Variants in TFDP2 observed in about 807,000 individuals in gnomAD.
TFDP2 encodes the protein transcription factor Dp-2.
In TFDP2, 17 loss-of-function variants were observed where a neutral mutation model predicts 59.3. The ratio of observed to expected loss-of-function variants is 0.29; its 90% CI spans 0.20 to 0.43. The LOEUF (loss-of-function observed/expected upper bound fraction) is 0.43, where lower values mean the gene tolerates loss of function less well. Among genes scored for constraint, TFDP2 ranks in the 20% least tolerant of loss-of-function variants. TFDP2 has a pLI of 1.00. For missense variants in TFDP2, 391 were observed against 528.8 expected, an observed-to-expected ratio of 0.74 and a Z score of 2.56; for synonymous variants, 180 against 194.7, an observed-to-expected ratio of 0.92 and a Z score of 0.63.
chr3:141,973,987 T>C (rs1456656566), intron 8 of TFDP2, 61 bp downstream of exon 8: 4 of 1,509,782 alleles, frequency 2.6e-6, no homozygotes. Flanking sequence ...ATTTTTAAAT[T>C]AAAATGCCTG....
intron 3 of TFDP2, among the ~76,000 whole-genome samples, chr3:142,009,434 G>A (rs1054574581): frequency 3.3e-5 from 5 of 152,202 alleles, no homozygotes; most frequent in South Asian, 2.1e-4. Flanking sequence ...AAATGTGGCC[G>A]GGCACGGTGG....
At chr3:142,099,321 G>A (rs1037983836) in intron 2 of TFDP2, among the ~76,000 whole-genome samples, 9 of 152,108 alleles carry the variant, frequency 5.9e-5, no homozygotes, top group African/African-American at 2.2e-4. Flanking sequence ...GAATCCCTGT[G>A]CTCAGACCTT....
intron 3 of TFDP2, among the ~76,000 whole-genome samples, chr3:142,078,377 G>A (rs1357065805): frequency 6.6e-6 from 1 of 152,196 alleles, no homozygotes; most frequent in Non-Finnish European, 1.5e-5. Context: ...CAGTCCCAGT[G>A]GTGGTGGCCA....
intron 1 of TFDP2, among the ~76,000 whole-genome samples, chr3:142,143,979 T>C (rs564290124): frequency 6.6e-6 from 1 of 152,268 alleles, no homozygotes; most frequent in African/African-American, 2.4e-5. Context: ...CTGTTTACAA[T>C]AGCTAAGATT....
At chr3:141,984,493 CA>C (rs373294876) in intron 6 of TFDP2, among the ~76,000 whole-genome samples, 9 of 146,484 alleles carry the variant, frequency 6.1e-5, no homozygotes, top group South Asian at 4.3e-4. Flanking sequence ...AACTCCGTCT[CA>C]AAAAAAAAAT....
intron 1 of TFDP2, among the ~76,000 whole-genome samples, chr3:142,148,839 G>C (rs939380580): frequency 6.6e-6 from 1 of 152,240 alleles, no homozygotes; most frequent in Non-Finnish European, 1.5e-5. Flanking sequence ...GTCATGAAAG[G>C]AGAAGGGAAA....
intron 8 of TFDP2, among the ~76,000 whole-genome samples, chr3:141,973,683 CTT>C (rs200088518): frequency 0.022 from 2,864 of 132,512 alleles, 32 homozygotes; most frequent in East Asian, 0.069. Context: ...CGGCTTGATC[CTT>C]TTTTTTTTTT....
intron 3 of TFDP2, among the ~76,000 whole-genome samples, chr3:142,080,513 A>G (rs751672041): frequency 6.6e-6 from 1 of 152,182 alleles, no homozygotes. Flanking sequence ...AATAACATCG[A>G]ATGAAAACGG....
At chr3:142,122,317 C>T (rs1460395917) in intron 1 of TFDP2, among the ~76,000 whole-genome samples, 1 of 152,144 alleles carries the variant, frequency 6.6e-6, no homozygotes, top group African/African-American at 2.4e-5. Flanking sequence ...CCACCAGAGA[C>T]GGGGTCCTCA....
At chr3:141,979,213 C>T (rs1160184061) in intron 6 of TFDP2, among the ~76,000 whole-genome samples, 1 of 152,140 alleles carries the variant, frequency 6.6e-6, no homozygotes, top group African/African-American at 2.4e-5. Flanking sequence ...TAATGCATTA[C>T]TCACATGTTT....
intron 8 of TFDP2, among the ~76,000 whole-genome samples, chr3:141,972,178 T>C (rs1447316057): frequency 6.6e-6 from 1 of 152,204 alleles, no homozygotes; most frequent in African/African-American, 2.4e-5. Flanking sequence ...TGAAAAGATG[T>C]TGTAGGAGCA....
chr3:142,076,551 G>C (rs2060465050), intron 3 of TFDP2, among the ~76,000 whole-genome samples: 2 of 152,112 alleles, frequency 1.3e-5, no homozygotes, highest in Non-Finnish European at 2.9e-5. Flanking sequence ...ATGTGATAGT[G>C]GTTTCAATCT....
intron 3 of TFDP2, among the ~76,000 whole-genome samples, chr3:142,091,458 T>C (rs779632862): frequency 1.1e-4 from 17 of 151,780 alleles, no homozygotes; most frequent in Non-Finnish European, 2.1e-4. Flanking sequence ...CCCATCTACT[T>C]GGGAGGCTGA....
chr3:142,093,917 G>A (rs9877817), intron 2 of TFDP2: 377,465 of 498,734 alleles, frequency 0.76, 143,504 homozygotes, highest in Admixed American at 0.83. Flanking sequence ...ATATAGCACA[G>A]GATTTGGCAC....
intron 1 of TFDP2, among the ~76,000 whole-genome samples, chr3:142,131,804 G>A (rs756128785): frequency 2.7e-5 from 4 of 149,750 alleles, no homozygotes; most frequent in African/African-American, 5.1e-5. Flanking sequence ...TCAGGAGTTC[G>A]AGACCAGCCT....
chr3:142,101,356 C>CA (rs529718660), intron 2 of TFDP2, among the ~76,000 whole-genome samples: 3,533 of 85,918 alleles, frequency 0.041, 53 homozygotes, highest in African/African-American at 0.076. Flanking sequence ...CCTGAGTAAC[C>CA]AAAAAAAAAA....
chr3:142,110,948 G>A (rs966120014), intron 1 of TFDP2, among the ~76,000 whole-genome samples: 2 of 37,744 alleles, frequency 5.3e-5, no homozygotes, highest in African/African-American at 5.0e-4. Flanking sequence ...GTGAAACTCT[G>A]CCTTGGAAAA....
At chr3:141,967,302 T>G (rs939328391) in intron 9 of TFDP2, among the ~76,000 whole-genome samples, 9 of 149,910 alleles carry the variant, frequency 6.0e-5, no homozygotes, top group African/African-American at 2.0e-4. Context: ...TTTGTTTTTT[T>G]TTTTTTTGAG....
chr3:142,017,441 G>C (rs115765690), intron 3 of TFDP2, among the ~76,000 whole-genome samples: 1,630 of 151,858 alleles, frequency 0.011, 30 homozygotes, highest in African/African-American at 0.038. Flanking sequence ...CTGCCATCCC[G>C]AATCACCACC....
Sources: allele counts gnomAD v4.1 joint callset (sites outside exome capture counted in the v4.1 genomes callset), GRCh38; gene constraint gnomAD v4.1.1; transcripts MANE v1.5; gene names NCBI Gene and HGNC (gene_info 2026-07-23, HGNC 2026-07-21).